The following SNTG2 variants were observed in gnomAD, a reference collection of about 807,000 sequenced individuals.
SNTG2 encodes gamma-2-syntrophin.
A neutral mutation model predicts 70.9 loss-of-function variants in SNTG2; 74 were observed. The observed-to-expected ratio is 1.04, with a 90% CI of 0.86 to 1.27. SNTG2 has a LOEUF of 1.27. SNTG2 is among the 50% of genes most tolerant of loss of function. SNTG2 has a pLI of 0.00. For synonymous variants in SNTG2, 278 were observed against 273.8 expected, an observed-to-expected ratio of 1.02 and a Z score of -0.15; for missense variants, 717 against 690.7, an observed-to-expected ratio of 1.04 and a Z score of -0.43.
intron 1 of SNTG2, among the ~76,000 whole-genome samples, chr2:1,063,780 G>C (rs924537451): frequency 6.6e-6 from 1 of 152,130 alleles, no homozygotes; most frequent in African/African-American, 2.4e-5. Flanking sequence ...AATCAAAGGT[G>C]CATTAAATAA....
At chr2:967,288 T>C (rs959637988) in intron 1 of SNTG2, among the ~76,000 whole-genome samples, 1 of 152,208 alleles carries the variant, frequency 6.6e-6, no homozygotes, top group Non-Finnish European at 1.5e-5. Flanking sequence ...GTGGACACCT[T>C]GCCTTATTCC....
chr2:1,138,185 G>A (rs1668517437), intron 6 of SNTG2, among the ~76,000 whole-genome samples: 1 of 152,216 alleles, frequency 6.6e-6, no homozygotes. Context: ...GTACCGCCCG[G>A]GCGCTGGAGC....
intron 16 of SNTG2, among the ~76,000 whole-genome samples, chr2:1,340,815 G>T (rs182912279): frequency 6.6e-6 from 1 of 152,126 alleles, no homozygotes; most frequent in East Asian, 1.9e-4. Flanking sequence ...AATTAATGTG[G>T]GATGTTTTGC....
At chr2:1,060,408 A>G (rs552854165) in intron 1 of SNTG2, among the ~76,000 whole-genome samples, 1 of 152,268 alleles carries the variant, frequency 6.6e-6, no homozygotes, top group African/African-American at 2.4e-5. Flanking sequence ...AGATACAGAG[A>G]TAGAAGTGTC....
At chr2:1,237,674 G>A (rs1292132124) in intron 9 of SNTG2, among the ~76,000 whole-genome samples, 3 of 152,188 alleles carry the variant, frequency 2.0e-5, no homozygotes, top group South Asian at 2.1e-4. Context: ...ATGTTTCATC[G>A]AATTAGAAGT....
chr2:1,328,698 C>T (rs903682898), intron 16 of SNTG2, among the ~76,000 whole-genome samples: 5 of 152,212 alleles, frequency 3.3e-5, no homozygotes, highest in African/African-American at 1.2e-4. Context: ...GAGAAACACA[C>T]AAAATGAGTG....
At chr2:1,128,329 G>C (rs1667826539) in intron 4 of SNTG2, among the ~76,000 whole-genome samples, 1 of 151,964 alleles carries the variant, frequency 6.6e-6, no homozygotes, top group Non-Finnish European at 1.5e-5. Context: ...AGACAAAATT[G>C]CTTTTTAAAA....
At chr2:1,159,923 T>G (rs556953426) in intron 6 of SNTG2, among the ~76,000 whole-genome samples, 1 of 152,208 alleles carries the variant, frequency 6.6e-6, no homozygotes, top group South Asian at 2.1e-4. Flanking sequence ...CAACAGGAAT[T>G]TGAGGATTGA....
intron 2 of SNTG2, among the ~76,000 whole-genome samples, chr2:1,087,131 A>G (rs1286061161): frequency 6.6e-6 from 1 of 152,204 alleles, no homozygotes; most frequent in Non-Finnish European, 1.5e-5. Flanking sequence ...AAGTGCTGGC[A>G]GATAGCAGCC....
chr2:1,335,028 T>G (rs925155193), intron 16 of SNTG2, among the ~76,000 whole-genome samples: 4 of 152,214 alleles, frequency 2.6e-5, no homozygotes, highest in Non-Finnish European at 5.9e-5. Context: ...GGTTATGTTG[T>G]TTCTTCTTGA....
At chr2:1,205,669 C>T (rs533194268) in intron 8 of SNTG2, among the ~76,000 whole-genome samples, 17 of 152,118 alleles carry the variant, frequency 1.1e-4, no homozygotes, top group Non-Finnish European at 2.9e-5. Flanking sequence ...CCAGGCAGCT[C>T]ATGTGAACAT....
chr2:1,282,819 A>AAG (rs1679609217), intron 14 of SNTG2, among the ~76,000 whole-genome samples: 1 of 149,666 alleles, frequency 6.7e-6, no homozygotes, highest in Non-Finnish European at 1.5e-5. Flanking sequence ...TTTGACTGAT[A>AAG]CGATAAGTAG....
chr2:1,351,022 C>G (rs778962599), intron 16 of SNTG2, among the ~76,000 whole-genome samples: 14 of 151,882 alleles, frequency 9.2e-5, no homozygotes, highest in Non-Finnish European at 1.5e-4. Context: ...CATCTCCCCA[C>G]GAAATTGACC....
intron 16 of SNTG2, among the ~76,000 whole-genome samples, chr2:1,340,748 A>C (rs2148294762): frequency 6.6e-6 from 1 of 152,258 alleles, no homozygotes; most frequent in Non-Finnish European, 1.5e-5. Flanking sequence ...ATTATTTCAC[A>C]TTTTTTCCTA....
At chr2:1,067,470 A>G (rs539403675) in intron 1 of SNTG2, among the ~76,000 whole-genome samples, 13 of 152,248 alleles carry the variant, frequency 8.5e-5, no homozygotes, top group Non-Finnish European at 1.8e-4. Context: ...AGGATAAAAT[A>G]CATATTTTTT....
At chr2:970,790 G>A (rs1381262848) in intron 1 of SNTG2, among the ~76,000 whole-genome samples, 5 of 151,808 alleles carry the variant, frequency 3.3e-5, no homozygotes, top group Non-Finnish European at 7.4e-5. Context: ...ACCCAGTAAT[G>A]GGATGGCTGG....
chr2:1,264,440 G>A (rs961357963), intron 13 of SNTG2, among the ~76,000 whole-genome samples: 12 of 152,208 alleles, frequency 7.9e-5, no homozygotes, highest in South Asian at 4.1e-4. Context: ...GTTGAGTCCA[G>A]TAACGTAAAC....
At position 1,172,989 on chromosome 2, in the gene SNTG2, G is replaced by A. The variant is rs916601862; in HGVS notation, c.500-103G>A. On this transcript the variant is annotated intron_variant, in intron 7 of 16. Coordinates refer to ENST00000308624, the MANE Select transcript of SNTG2 (RefSeq NM_018968.4). ...ATAACTGGACACCAGGCATTTTGGT[G>A]CTGGTAACTTCCCATGCACAGGTAG... 5 of 1,012,016 alleles carry A rather than the reference G, an allele frequency of 4.9e-6. 1 individual carries two copies. The highest frequency in any genetic ancestry group is 7.6e-6 in the Non-Finnish European group (5 of 660,000). The allele number at this position is 1,012,016 out of a possible 1,614,324, so 62.7% of individuals were successfully genotyped here. A position where few individuals can be genotyped will look rare whatever the true frequency, so the allele number is the denominator to read the frequency against.
In SNTG2 at chr2:1,134,282, A is replaced by C. The variant is rs1668218615; in HGVS notation, c.326-3340A>C. The stretch of plus-strand genomic sequence containing the variant: ...GCGGGTTGCCACTGGTGGCGCCGGG[A>C]TCCTGCTTTTATTCTCTTATCTGGC... On this transcript the variant is annotated intron_variant, in intron 4 of 16. Coordinates refer to ENST00000308624, the MANE Select transcript of SNTG2 (RefSeq NM_018968.4). 2.0e-5 allele frequency among the ~76,000 whole-genome samples: 3 copies of C among 152,076 alleles called. No individual in the cohort carries two copies. The South Asian group carries it at 6.2e-4, about 32-fold the overall frequency.
Sources: gnomAD v4.1 joint callset for allele counts (sites outside exome capture counted in the v4.1 genomes callset) on GRCh38, gnomAD v4.1.1 for gene constraint, MANE v1.5 for transcripts, NCBI Gene and HGNC (gene_info 2026-07-23, HGNC 2026-07-21) for gene names.